The following RBM27 variants were observed in gnomAD, a reference collection of about 807,000 sequenced individuals.
RBM27 encodes the protein RNA binding motif protein 27, also known as RNA-binding protein 27.
Under a neutral mutation model 135.3 loss-of-function variants are expected in RBM27, and 22 were observed. The observed-to-expected ratio is 0.16, with a 90% confidence interval of 0.12 to 0.23. RBM27 has a LOEUF of 0.23. Ranked by LOEUF, RBM27 falls within the 10% of genes least tolerant of loss-of-function variation. The probability of loss-of-function intolerance (pLI) is 1.00; values close to 1 mark genes in which losing one functional copy is unlikely to be tolerated. For synonymous variants in RBM27, 481 were observed against 442.4 expected (o/e 1.09, Z -1.10); for missense variants, 1,009 against 1,281.0 (o/e 0.79, Z 3.24).
At chr5:146,247,204 A>C (rs1757663129) in intron 8 of RBM27, among the ~76,000 whole-genome samples, 1 of 152,054 alleles carries the variant, frequency 6.6e-6, no homozygotes, top group Non-Finnish European at 1.5e-5. Context: ...GCTCCTCAAA[A>C]TTCAGCTTAA....
intron 14 of RBM27, among the ~76,000 whole-genome samples, 184 bp downstream of exon 14, chr5:146,263,815 A>G (rs1758497304): frequency 6.6e-6 from 1 of 152,176 alleles, no homozygotes; most frequent in African/African-American, 2.4e-5. Context: ...ATTCAAAATT[A>G]AGTAGGAGGC....
At chr5:146,222,098 G>A (rs554133016) in intron 2 of RBM27, among the ~76,000 whole-genome samples, 2 of 152,056 alleles carry the variant, frequency 1.3e-5, no homozygotes, top group East Asian at 3.9e-4. Context: ...ATAAGTGAAA[G>A]TATTCTGATT....
intron 13 of RBM27, 118 bp from the exon 14 acceptor site, chr5:146,263,373 A>G: frequency 1.1e-6 from 1 of 943,050 alleles, no homozygotes; most frequent in Non-Finnish European, 1.6e-6. Flanking sequence ...GGATAATTGA[A>G]GCACCTTCCC....
chr5:146,233,640 AGGCCCAGGCCCG>A lies in RBM27; in HGVS notation c.1050_1061del (p.Pro355_Gly358del). On this transcript the variant is annotated inframe_deletion, in exon 7 of 21. Coordinates refer to ENST00000265271, the MANE Select transcript of RBM27 (RefSeq NM_018989.2). ...CAGGCCCAGGCCCGGGCCCAGGTCC[AGGCCCAGGCCCG>A]GGCCCAGGTCCAGGTCCTGGCCATA... 6.4e-7 allele frequency: 1 copy of A among 1,572,350 alleles called. No individual in the cohort carries two copies. Among genetic ancestry groups the A allele is most frequent in the Non-Finnish European group, 8.6e-7 (1 of 1,167,274 alleles).
In RBM27 at chr5:146,228,943, T is replaced by A. The variant is rs1440610700; in HGVS notation, c.304-3T>A. ...CTTACTTCTACTCAATATTTTCATA[T>A]AGGTATTTCAGGAGCCAGCAGAGGA... On this transcript the variant is annotated splice_region_variant and splice_polypyrimidine_tract_variant and intron_variant, in intron 3 of 20. Coordinates refer to ENST00000265271, the MANE Select transcript of RBM27 (RefSeq NM_018989.2). The A allele has an allele frequency of 1.9e-6, 3 of 1,611,926 alleles. No individual in the cohort carries two copies. The African/African-American group carries it at 4.0e-5, about 22-fold the overall frequency.
Position 146,280,951 on chromosome 5 carries a change from G to A in RBM27, c.2989-3671G>A, listed in dbSNP as rs375062720. Among the ~76,000 whole-genome samples the A allele has an allele frequency of 3.6e-4, 55 of 152,072 alleles. 1 individual carries two copies. The East Asian group carries it at 4.8e-3, about 13-fold the overall frequency. ...TGGCTCACTGCAGCCTTCGCCTCCC[G>A]GGTTCAAGTGATTATCTTGCCTCAG... On this transcript the variant is annotated intron_variant, in intron 19 of 20. Coordinates refer to ENST00000265271, the MANE Select transcript of RBM27 (RefSeq NM_018989.2).
intron 19 of RBM27, among the ~76,000 whole-genome samples, chr5:146,275,562 C>A (rs545420948): frequency 6.6e-6 from 1 of 151,936 alleles, no homozygotes; most frequent in South Asian, 2.1e-4. Flanking sequence ...CCACTGCGCC[C>A]GGCCCAGAAA....
At chr5:146,212,620 C>T (rs1756014947) in intron 1 of RBM27, among the ~76,000 whole-genome samples, 1 of 152,166 alleles carries the variant, frequency 6.6e-6, no homozygotes, top group African/African-American at 2.4e-5. Context: ...TCCTGAAGTG[C>T]TGGGATTACA....
chr5:146,210,942 G>A (rs1265837539), intron 1 of RBM27, among the ~76,000 whole-genome samples: 1 of 145,816 alleles, frequency 6.9e-6, no homozygotes. Context: ...GCGAGACTCC[G>A]TCTCAAAAAA....
At position 146,237,391 on chromosome 5, in the gene RBM27, C is replaced by G. The variant is rs1757213310; in HGVS notation, c.1238C>G (p.Pro413Arg). Reference sequence around the variant, plus strand: ...CTTGCATCAGTGGGAACAAGACTACCTCCTCCTTTACCCCAGAACCTCCTT... The same window carrying G: ...CTTGCATCAGTGGGAACAAGACTACGTCCTCCTTTACCCCAGAACCTCCTT... ...PNLASVGTRL[P>R]PPLPQNLLYT... The change falls in exon 8 of 21, where the codon CCT becomes CGT. Residue 413 changes from proline (P) to arginine (R), a missense_variant. This residue lies in a region of RBM27 where 329 missense variants were observed against 368.1 expected (regional missense o/e 0.89). Coordinates refer to ENST00000265271, the MANE Select transcript of RBM27 (RefSeq NM_018989.2). The G allele has an allele frequency of 6.2e-7, 1 of 1,613,956 alleles. No homozygotes were observed. The highest frequency in any genetic ancestry group is 8.5e-7 in the Non-Finnish European group (1 of 1,179,816).
At chr5:146,240,294 A>ATCTGTCTGTCTGTCTG (rs59670617) in intron 8 of RBM27, among the ~76,000 whole-genome samples, 1 of 148,108 alleles carries the variant, frequency 6.8e-6, no homozygotes, top group Admixed American at 6.7e-5. Flanking sequence ...GCTGTTTTCT[A>ATCTGTCTGTCTGTCTG]TCTGTCTGTC....
chr5:146,208,418 A>G (rs1346793630), intron 1 of RBM27, among the ~76,000 whole-genome samples: 1 of 152,230 alleles, frequency 6.6e-6, no homozygotes, highest in African/African-American at 2.4e-5. Flanking sequence ...GGGAGACAGG[A>G]AGAAATGACT....
chr5:146,260,477 G>A (rs890446853), intron 11 of RBM27, among the ~76,000 whole-genome samples: 49 of 152,266 alleles, frequency 3.2e-4, no homozygotes, highest in African/African-American at 1.2e-3. Flanking sequence ...TCCTGCTTTG[G>A]CCTCTCAGAG....
chr5:146,278,871 G>A (rs1227131609), intron 19 of RBM27, among the ~76,000 whole-genome samples: 9 of 151,594 alleles, frequency 5.9e-5, no homozygotes, highest in African/African-American at 2.2e-4. Context: ...ACAGGCACTC[G>A]CCACCACGCC....
intron 18 of RBM27, 30 bp downstream of exon 18, chr5:146,271,088 C>A: frequency 6.5e-7 from 1 of 1,538,654 alleles, no homozygotes; most frequent in South Asian, 1.1e-5. Flanking sequence ...AGCGCCCCAC[C>A]ACATTTAACG....
chr5:146,282,000 CTTTTTTTTT>C (rs777368235), intron 19 of RBM27, among the ~76,000 whole-genome samples: 3 of 101,502 alleles, frequency 3.0e-5, no homozygotes, highest in Non-Finnish European at 5.7e-5. Context: ...TATTTTTCAT[CTTTTTTTTT>C]TTTTTTTTTT....
rs1412471519 is a variant in RBM27 at position 146,203,762 on chromosome 5, C to T, written c.-4C>T. The stretch of plus-strand genomic sequence containing the variant: ...GCGGCGGCCGAGCCCGCCTTCCCTG[C>T]ACCATGCTCATAGAGGATGTGGATG... On this transcript the variant is annotated 5_prime_UTR_variant, in exon 1 of 21. Coordinates refer to ENST00000265271, the MANE Select transcript of RBM27 (RefSeq NM_018989.2). 1.9e-6 allele frequency: 3 copies of T among 1,550,722 alleles called. No homozygotes were observed. Among genetic ancestry groups the T allele is most frequent in the Non-Finnish European group, 2.6e-6 (3 of 1,146,618 alleles).
Position 146,254,924 on chromosome 5 carries a change from T to A in RBM27, c.1445-19T>A. The stretch of plus-strand genomic sequence containing the variant: ...TCTCTCTGATTTGTTGTGTGTTTTG[T>A]TGCTTTGTTTTCCCTCAGATACATA... On this transcript the variant is annotated intron_variant, in intron 9 of 20. Coordinates refer to ENST00000265271, the MANE Select transcript of RBM27 (RefSeq NM_018989.2). 1 of 1,530,912 alleles carries A rather than the reference T, an allele frequency of 6.5e-7. No individual in the cohort carries two copies. Among genetic ancestry groups the A allele is most frequent in the Non-Finnish European group, 8.9e-7 (1 of 1,125,946 alleles). 94.8% of individuals were successfully genotyped at this position (1,530,912 alleles called of 1,614,324 possible).
At chr5:146,210,695 C>G (rs1258482161) in intron 1 of RBM27, among the ~76,000 whole-genome samples, 1 of 152,192 alleles carries the variant, frequency 6.6e-6, no homozygotes, top group Non-Finnish European at 1.5e-5. Context: ...TGCCTGTAAT[C>G]CCAGCACTTT....
Sources: gnomAD v4.1 joint callset for allele counts (sites outside exome capture counted in the v4.1 genomes callset) on GRCh38, gnomAD v4.1.1 for gene constraint, gnomAD v4.1.1 regional missense constraint, MANE v1.5 for transcripts, NCBI Gene and HGNC (gene_info 2026-07-23, HGNC 2026-07-21) for gene names.